The following KIAA0825 variants were observed in gnomAD, a reference collection of about 807,000 sequenced individuals.
The protein encoded by KIAA0825 is KIAA0825, also known as uncharacterized protein KIAA0825.
In KIAA0825, 119 loss-of-function variants were observed where a neutral mutation model predicts 147.6. That is an observed-to-expected ratio of 0.81 (90% CI 0.69 to 0.94). The LOEUF is 0.94. KIAA0825 is among the 40% of genes least tolerant of loss of function. The pLI is 0.00. For synonymous variants in KIAA0825, 470 were observed against 518.1 expected (o/e 0.91, Z 1.26); for missense variants, 1,381 against 1,472.7 (o/e 0.94, Z 1.02).
At position 94,513,980 on chromosome 5, in the gene KIAA0825, C is replaced by T. The variant is rs147438649; in HGVS notation, c.970+6268G>A. ...CAGCTAACTTGATTTGTTAACCAGC[C>T]AAAATGCTTTCATTTTTTCACCCAC... On this transcript the variant is annotated intron_variant, in intron 5 of 20. Coordinates refer to ENST00000682413, the MANE Select transcript of KIAA0825 (RefSeq NM_001145678.3). Among the ~76,000 whole-genome samples, 303 of 152,150 alleles carry T rather than the reference C, an allele frequency of 2.0e-3. 1 individual carries two copies. The highest frequency in any genetic ancestry group is 7.1e-3 in the African/African-American group (294 of 41,534).
intron 20 of KIAA0825, among the ~76,000 whole-genome samples, chr5:94,190,289 C>T (rs1014436332): frequency 9.2e-5 from 14 of 152,058 alleles, no homozygotes; most frequent in Non-Finnish European, 1.3e-4. Flanking sequence ...TCTTATTGCA[C>T]TGGCCAAAAT....
intron 2 of KIAA0825, among the ~76,000 whole-genome samples, chr5:94,580,280 T>C (rs1781843647): frequency 1.3e-5 from 2 of 152,224 alleles, no homozygotes; most frequent in African/African-American, 4.8e-5. Flanking sequence ...TGGCTATCTT[T>C]AAGAGTCAGC....
chr5:94,536,048 T>C (rs1392868383), intron 3 of KIAA0825, among the ~76,000 whole-genome samples: 2 of 152,250 alleles, frequency 1.3e-5, no homozygotes, highest in Non-Finnish European at 2.9e-5. Context: ...TTAATGCTTA[T>C]TCAATAATAA....
rs188270505 is a variant in KIAA0825 at position 94,150,872 on chromosome 5, T to C, written c.*3135A>G. On this transcript the variant is annotated 3_prime_UTR_variant, in exon 21 of 21. Coordinates refer to ENST00000682413, the MANE Select transcript of KIAA0825 (RefSeq NM_001145678.3). ...TATCTGAAATAGACAATATTCTTTATAATTTATTTAAAAATTATTTCATAC... is the reference window on the plus strand; with the variant it reads ...TATCTGAAATAGACAATATTCTTTACAATTTATTTAAAAATTATTTCATAC... Among the ~76,000 whole-genome samples, 56 of 152,294 alleles carry C rather than the reference T, an allele frequency of 3.7e-4. No individual in the cohort carries two copies. The highest frequency in any genetic ancestry group is 1.3e-3 in the African/African-American group (56 of 41,574).
chr5:94,526,307 T>A (rs974573124), intron 3 of KIAA0825, among the ~76,000 whole-genome samples: 7 of 151,954 alleles, frequency 4.6e-5, no homozygotes, highest in Non-Finnish European at 1.5e-5. Flanking sequence ...GGAAATGCAC[T>A]GGAATGATCA....
chr5:94,483,433 G>A (rs1762699643), intron 6 of KIAA0825, among the ~76,000 whole-genome samples: 1 of 151,898 alleles, frequency 6.6e-6, no homozygotes, highest in Admixed American at 6.6e-5. Flanking sequence ...AATGTCAACT[G>A]TTCCAGGAAC....
At chr5:94,470,168 A>G (rs1761036994) in intron 9 of KIAA0825, 57 bp from the exon 10 acceptor site, 1 of 1,261,456 alleles carries the variant, frequency 7.9e-7, no homozygotes. Flanking sequence ...AGTAGGAGAT[A>G]ACAATCTCCA....
Position 94,403,736 on chromosome 5 carries a change from GT to G in KIAA0825, c.2719del (p.Thr907ProfsTer11), listed in dbSNP as rs1751687724. On this transcript the variant is annotated frameshift_variant, in exon 16 of 21. Coordinates refer to ENST00000682413, the MANE Select transcript of KIAA0825 (RefSeq NM_001145678.3). LOFTEE classifies it high-confidence loss of function. ...EVIRCLRLAL[T>X]DAIKDTVQQI... ...CTGTACAGTGTCCTTGATGGCATCG[GT>G]CAGTGCCAGTCTCAAGCATCGGATG... The G allele has an allele frequency of 2.6e-6, 4 of 1,551,536 alleles. No homozygotes were observed. Among genetic ancestry groups the G allele is most frequent in the Non-Finnish European group, 3.5e-6 (4 of 1,146,904 alleles).
At chr5:94,216,142 A>G (rs1773172441) in intron 20 of KIAA0825, among the ~76,000 whole-genome samples, 1 of 152,146 alleles carries the variant, frequency 6.6e-6, no homozygotes, top group African/African-American at 2.4e-5. Context: ...AACACCCCCA[A>G]CACATCACCT....
At chr5:94,303,685 A>C (rs1227589806) in intron 20 of KIAA0825, among the ~76,000 whole-genome samples, 1 of 152,126 alleles carries the variant, frequency 6.6e-6, no homozygotes, top group Non-Finnish European at 1.5e-5. Flanking sequence ...TCATTCCCAC[A>C]GTCCTTTCCA....
In KIAA0825 at chr5:94,524,106, A is replaced by G. The variant is rs1291477655; in HGVS notation, c.132-8T>C. 1.3e-6 allele frequency: 2 copies of G among 1,584,212 alleles called. No individual in the cohort carries two copies. The highest frequency in any genetic ancestry group is 2.7e-5 in the African/African-American group (2 of 73,376). On this transcript the variant is annotated splice_polypyrimidine_tract_variant and splice_region_variant and intron_variant, in intron 3 of 20. Transcript: ENST00000682413. ...TTAATGCAATGTTTTATGCTATAAA[A>G]AACAGAAGAAAAAGTTATTTTGGCA...
intron 20 of KIAA0825, among the ~76,000 whole-genome samples, chr5:94,270,807 T>C (rs1365133231): frequency 2.0e-5 from 3 of 151,826 alleles, no homozygotes; most frequent in African/African-American, 7.3e-5. Flanking sequence ...TAAAACAATA[T>C]AGGAAGGGGA....
intron 10 of KIAA0825, among the ~76,000 whole-genome samples, chr5:94,468,042 T>C (rs1760763432): frequency 6.6e-6 from 1 of 152,252 alleles, no homozygotes; most frequent in African/African-American, 2.4e-5. Flanking sequence ...TTGTAACTAC[T>C]GACCATGTAA....
chr5:94,561,657 A>T (rs1357700271), intron 2 of KIAA0825, among the ~76,000 whole-genome samples: 1 of 152,238 alleles, frequency 6.6e-6, no homozygotes, highest in African/African-American at 2.4e-5. Flanking sequence ...TGCTTAAATA[A>T]ATAAACACAG....
chr5:94,199,348 G>C (rs1342079362), intron 20 of KIAA0825, among the ~76,000 whole-genome samples: 1 of 152,162 alleles, frequency 6.6e-6, no homozygotes, highest in Non-Finnish European at 1.5e-5. Flanking sequence ...CTCTAACCCT[G>C]GGGGGCAGGG....
intron 10 of KIAA0825, among the ~76,000 whole-genome samples, chr5:94,466,302 G>C (rs1279401768): frequency 6.6e-6 from 1 of 152,080 alleles, no homozygotes; most frequent in Non-Finnish European, 1.5e-5. Flanking sequence ...ACTTTCAAAT[G>C]ACATTTATAA....
chr5:94,395,455 TA>T (rs747278879), intron 17 of KIAA0825, among the ~76,000 whole-genome samples: 1 of 152,176 alleles, frequency 6.6e-6, no homozygotes, highest in Non-Finnish European at 1.5e-5. Flanking sequence ...AAGACTAATT[TA>T]AAGACAGGAG....
At chr5:94,473,753 T>G (rs1219002133) in intron 7 of KIAA0825, among the ~76,000 whole-genome samples, 2 of 152,202 alleles carry the variant, frequency 1.3e-5, no homozygotes, top group African/African-American at 4.8e-5. Context: ...AATTCATCAG[T>G]AGATTTAATA....
intron 20 of KIAA0825, among the ~76,000 whole-genome samples, chr5:94,199,515 A>G (rs1054597759): frequency 1.3e-5 from 2 of 152,238 alleles, no homozygotes; most frequent in Non-Finnish European, 2.9e-5. Context: ...AGTGTGCACC[A>G]GTGAGGCAGC....
Sources: allele counts gnomAD v4.1 joint callset (sites outside exome capture counted in the v4.1 genomes callset), GRCh38; gene constraint gnomAD v4.1.1; transcripts MANE v1.5; gene names NCBI Gene and HGNC (gene_info 2026-07-23, HGNC 2026-07-21).